PYGO1: variants seen among roughly 807,000 people sequenced by gnomAD.
The protein encoded by PYGO1 is pygopus family PHD finger 1.
A neutral mutation model predicts 29.5 loss-of-function variants in PYGO1; 6 were observed. The ratio of observed to expected loss-of-function variants is 0.20; its 90% CI spans 0.11 to 0.40. The LOEUF is 0.40. Among genes scored for constraint, PYGO1 ranks in the 10% least tolerant of loss-of-function variants. PYGO1 has a pLI of 1.00. For synonymous variants in PYGO1, 186 were observed against 180.5 expected, an observed-to-expected ratio of 1.03 and a Z score of -0.24; for missense variants, 515 against 514.9, an observed-to-expected ratio of 1.00 and a Z score of 0.00.
At chr15:55,587,115 C>T (rs1386826930) in intron 1 of PYGO1, among the ~76,000 whole-genome samples, 2 of 152,134 alleles carry the variant, frequency 1.3e-5, no homozygotes, top group African/African-American at 4.8e-5. Flanking sequence ...CCCCAATTTC[C>T]GGGTGGCATT....
chr15:55,553,848 G>A (rs1254053055), intron 1 of PYGO1, among the ~76,000 whole-genome samples: 1 of 152,130 alleles, frequency 6.6e-6, no homozygotes, highest in Non-Finnish European at 1.5e-5. Flanking sequence ...CTGTTACGCA[G>A]CCTTCACTGG....
chr15:55,546,343 C>T lies in PYGO1; in HGVS notation c.940G>A (p.Ala314Thr). 6.2e-7 allele frequency: 1 copy of T among 1,614,192 alleles called. No individual in the cohort carries two copies. Among genetic ancestry groups the T allele is most frequent in the Non-Finnish European group, 8.5e-7 (1 of 1,180,030 alleles). The change falls in exon 3 of 3, where the codon GCA (alanine) becomes ACA (threonine). Residue 314 changes from alanine to threonine, a missense_variant. Ala to Thr is a moderately conservative substitution (Grantham distance 58). Transcript: ENST00000563719. Reference sequence around the variant, plus strand: ...CTTTTTTCTGTGGTGCAGGCATCTGCTGCACCTCTTGGTTGTCGTGGCTTA... The same window carrying T: ...CTTTTTTCTGTGGTGCAGGCATCTGTTGCACCTCTTGGTTGTCGTGGCTTA... ...QNKPRQPRGAADACTTEKSNK... is the reference protein window; with the variant it reads ...QNKPRQPRGATDACTTEKSNK...
At chr15:55,547,991 C>G (rs975052523) in intron 2 of PYGO1, among the ~76,000 whole-genome samples, 3 of 152,114 alleles carry the variant, frequency 2.0e-5, no homozygotes, top group African/African-American at 7.2e-5. Context: ...CTTTAAAAAC[C>G]TTTAAATTAG....
chr15:55,587,375 T>TC (rs1310506221), intron 1 of PYGO1, among the ~76,000 whole-genome samples: 1 of 119,946 alleles, frequency 8.3e-6, no homozygotes, highest in African/African-American at 4.1e-5. Flanking sequence ...TTTGCCGGGG[T>TC]GGGGGGGCGA....
At chr15:55,572,884 T>A (rs373860868) in intron 1 of PYGO1, among the ~76,000 whole-genome samples, 8,004 of 150,474 alleles carry the variant, frequency 0.053, 257 homozygotes, top group Non-Finnish European at 0.067. Context: ...AAAAAATAAA[T>A]AAATAAAGCC....
At chr15:55,547,727 T>A (rs1041976006) in intron 2 of PYGO1, among the ~76,000 whole-genome samples, 12 of 152,214 alleles carry the variant, frequency 7.9e-5, no homozygotes, top group Non-Finnish European at 1.6e-4. Context: ...AGATCAGTAA[T>A]CTGTACACAC....
chr15:55,567,267 G>C (rs1226569747), intron 1 of PYGO1, among the ~76,000 whole-genome samples: 1 of 124,498 alleles, frequency 8.0e-6, no homozygotes, highest in Non-Finnish European at 1.6e-5. Context: ...GGGTGCAGTG[G>C]TGTGAAGACA....
At position 55,587,899 on chromosome 15, in the gene PYGO1, A is replaced by G; in HGVS notation, c.-16T>C. ...CTGCTGACATTACAGACCGCAAAGCATGACTCCCCCCCAGGCCGCGGGAAT... is the reference window on the plus strand; with the variant it reads ...CTGCTGACATTACAGACCGCAAAGCGTGACTCCCCCCCAGGCCGCGGGAAT... On this transcript the variant is annotated 5_prime_UTR_variant, in exon 1 of 3. An upstream start codon of the reference 5' UTR is lost. Coordinates refer to ENST00000563719, the MANE Select transcript of PYGO1 (RefSeq NM_001367806.1). The G allele has an allele frequency of 1.4e-6, 2 of 1,470,586 alleles. No individual in the cohort carries two copies. Among genetic ancestry groups the G allele is most frequent in the African/African-American group, 1.4e-5 (1 of 68,990 alleles). 91.1% of individuals were successfully genotyped at this position (1,470,586 alleles called of 1,614,324 possible).
At chr15:55,586,348 T>G (rs2059046283) in intron 1 of PYGO1, among the ~76,000 whole-genome samples, 1 of 152,182 alleles carries the variant, frequency 6.6e-6, no homozygotes, top group Admixed American at 6.5e-5. Context: ...GATCACTCAC[T>G]CTTATGCTCA....
chr15:55,588,019 G>A lies in PYGO1; in HGVS notation c.-136C>T. ...CGGAGCCGAGGCACGGCCGAGGGCG[G>A]TGGGGACGCGGGCCGACTTTGCAAA... On this transcript the variant is annotated 5_prime_UTR_variant, in exon 1 of 3. Transcript: ENST00000563719. 1.6e-6 allele frequency: 2 copies of A among 1,284,968 alleles called. No individual in the cohort carries two copies. Among genetic ancestry groups the A allele is most frequent in the Non-Finnish European group, 2.0e-6 (2 of 1,012,354 alleles). The allele number at this position is 1,284,968 out of a possible 1,614,324, so 79.6% of individuals were successfully genotyped here. A position where few individuals can be genotyped will look rare whatever the true frequency, so the allele number is the denominator to read the frequency against.
At chr15:55,572,923 A>G (rs1431467641) in intron 1 of PYGO1, among the ~76,000 whole-genome samples, 1 of 151,928 alleles carries the variant, frequency 6.6e-6, no homozygotes, top group African/African-American at 2.4e-5. Flanking sequence ...CTGTAATCCC[A>G]GCACATTGGG....
At chr15:55,563,642 G>A (rs532009312) in intron 1 of PYGO1, among the ~76,000 whole-genome samples, 5 of 152,238 alleles carry the variant, frequency 3.3e-5, no homozygotes, top group Admixed American at 1.3e-4. Context: ...GAGCCACCAC[G>A]TCCAGCCACA....
intron 2 of PYGO1, 50 bp downstream of exon 2, chr15:55,548,860 C>T: frequency 6.6e-7 from 1 of 1,510,008 alleles, no homozygotes; most frequent in Non-Finnish European, 9.1e-7. Flanking sequence ...CCTCATCAGC[C>T]TGACCATACT....
intron 1 of PYGO1, among the ~76,000 whole-genome samples, chr15:55,550,497 A>G (rs558558992): frequency 6.6e-6 from 1 of 152,246 alleles, no homozygotes; most frequent in South Asian, 2.1e-4. Context: ...ATGTTTTCTC[A>G]GAGGTTATTA....
At chr15:55,552,510 G>A (rs183841833) in intron 1 of PYGO1, among the ~76,000 whole-genome samples, 1 of 152,084 alleles carries the variant, frequency 6.6e-6, no homozygotes, top group East Asian at 1.9e-4. Flanking sequence ...TTGACCCACA[G>A]AGAATGAAGA....
intron 1 of PYGO1, among the ~76,000 whole-genome samples, chr15:55,557,368 A>G (rs1398892161): frequency 1.3e-5 from 2 of 152,114 alleles, no homozygotes; most frequent in Non-Finnish European, 2.9e-5. Context: ...ACCAACCAAA[A>G]AAAGTCCAGG....
Position 55,546,267 on chromosome 15 carries a change from G to A in PYGO1, c.1016C>T (p.Pro339Leu). The A allele has an allele frequency of 1.9e-6, 3 of 1,614,178 alleles. No homozygotes were observed. Among genetic ancestry groups the A allele is most frequent in the Non-Finnish European group, 2.5e-6 (3 of 1,180,028 alleles). ...TGTACAAATTCCACAAGGATACACT[G>A]GGTCAGAAGACGAATGGCCATGACG... The part of the protein sequence containing the change: ...PNRHGHSSSD[P>L]VYPCGICTNE... The change falls in exon 3 of 3, where the codon CCA becomes CTA. Residue 339 changes from proline to leucine, a missense_variant. By Grantham distance (98) the Pro-to-Leu change is moderately conservative. Transcript: ENST00000563719.
chr15:55,579,214 T>G (rs559601518), intron 1 of PYGO1, among the ~76,000 whole-genome samples: 7 of 152,320 alleles, frequency 4.6e-5, no homozygotes, highest in African/African-American at 1.7e-4. Context: ...AGTTTTTCTA[T>G]AACACCATAT....
At chr15:55,564,843 G>A (rs1156867531) in intron 1 of PYGO1, among the ~76,000 whole-genome samples, 3 of 152,198 alleles carry the variant, frequency 2.0e-5, no homozygotes. Flanking sequence ...AGTAGGGTGA[G>A]TTCTTGTCTT....
Sources: gnomAD v4.1 joint callset for allele counts (sites outside exome capture counted in the v4.1 genomes callset) on GRCh38, gnomAD v4.1.1 for gene constraint, MANE v1.5 for transcripts, NCBI Gene and HGNC (gene_info 2026-07-23, HGNC 2026-07-21) for gene names.